Variants in PKHD1L1 observed in about 807,000 individuals in gnomAD.
PKHD1L1 encodes the protein PKHD1 like 1.
Under a neutral mutation model 462.9 loss-of-function variants are expected in PKHD1L1, and 434 were observed. The ratio of observed to expected loss-of-function variants is 0.94; its 90% confidence interval spans 0.87 to 1.02. PKHD1L1 has a LOEUF of 1.02. Ranked by LOEUF, PKHD1L1 falls within the 50% of genes least tolerant of loss-of-function variation. The pLI is 0.00. For missense variants in PKHD1L1, 5,202 were observed against 5,096.1 expected (o/e 1.02, Z -0.63); for synonymous variants, 1,781 against 1,750.0 (o/e 1.02, Z -0.44).
chr8:109,535,280 TTTC>T lies in PKHD1L1; in HGVS notation c.*5191_*5193del, dbSNP rs1821122708. Among the ~76,000 whole-genome samples the T allele has an allele frequency of 6.6e-6, 1 of 152,188 alleles. No individual in the cohort carries two copies. The highest frequency in any genetic ancestry group is 2.4e-5 in the African/African-American group (1 of 41,454). On this transcript the variant is annotated 3_prime_UTR_variant, in exon 78 of 78. Coordinates refer to ENST00000378402, the MANE Select transcript of PKHD1L1 (RefSeq NM_177531.6). ...ATGGCAATAGTATTTTCCTTTGGTT[TTTC>T]ATTACAGTAACTTATGCATTTAGGC...
intron 76 of PKHD1L1, among the ~76,000 whole-genome samples, chr8:109,526,458 C>T (rs1012085337): frequency 1.3e-5 from 2 of 152,184 alleles, no homozygotes; most frequent in Non-Finnish European, 2.9e-5. Flanking sequence ...GCACCCTCAC[C>T]TCTCTTCCCT....
chr8:109,387,341 G>A (rs774543628), intron 6 of PKHD1L1, among the ~76,000 whole-genome samples: 14 of 152,080 alleles, frequency 9.2e-5, no homozygotes, highest in Non-Finnish European at 1.8e-4. Context: ...GACCAAATAG[G>A]GTGGTTTTAC....
At chr8:109,492,544 T>G (rs1818886241) in intron 62 of PKHD1L1, among the ~76,000 whole-genome samples, 1 of 151,880 alleles carries the variant, frequency 6.6e-6, no homozygotes, top group Non-Finnish European at 1.5e-5. Flanking sequence ...TAGTTATCTT[T>G]GAAAGATGGG....
chr8:109,420,508 T>C lies in PKHD1L1; in HGVS notation c.2525-10T>C. ...TACACCAACCTAATATTTTTATTTA[T>C]ATTCTTTAGAAATGCCCAAGAGAAG... is the stretch of plus-strand genomic sequence containing the variant. On this transcript the variant is annotated splice_polypyrimidine_tract_variant and intron_variant, in intron 22 of 77. Transcript: ENST00000378402. 1 of 1,515,138 alleles carries C rather than the reference T, an allele frequency of 6.6e-7. No homozygotes were observed. 93.9% of individuals were successfully genotyped at this position (1,515,138 alleles called of 1,614,324 possible).
In PKHD1L1 at chr8:109,429,331, T is replaced by C. The variant is rs1165327537; in HGVS notation, c.3001-9T>C. 3 of 1,490,962 alleles carry C rather than the reference T, an allele frequency of 2.0e-6. No individual in the cohort carries two copies. Among genetic ancestry groups the C allele is most frequent in the Non-Finnish European group, 2.7e-6 (3 of 1,092,228 alleles). The allele number at this position is 1,490,962 out of a possible 1,614,324, so 92.4% of individuals were successfully genotyped here. On this transcript the variant is annotated splice_polypyrimidine_tract_variant and intron_variant, in intron 25 of 77. Coordinates refer to ENST00000378402, the MANE Select transcript of PKHD1L1 (RefSeq NM_177531.6). ...ACCTTTCTAGTAAAATAATTGTGTG[T>C]AAAAATAGATTAATGATTCCAACAT...
chr8:109,481,622 A>G (rs1818281492), intron 56 of PKHD1L1, 60 bp downstream of exon 56: 1 of 1,419,882 alleles, frequency 7.0e-7, no homozygotes. Context: ...TTTAAAATAT[A>G]TGGCACTAAA....
At chr8:109,372,939 T>A (rs910808071) in intron 2 of PKHD1L1, among the ~76,000 whole-genome samples, 2 of 152,242 alleles carry the variant, frequency 1.3e-5, no homozygotes, top group Admixed American at 6.5e-5. Context: ...GCATCAATGT[T>A]CATCAAGGAT....
rs74826033 is a variant in PKHD1L1, at chr8:109,529,247, T to C, written c.12722-833T>C. On this transcript the variant is annotated intron_variant, in intron 77 of 77. Transcript: ENST00000378402. ...CTTCTCTCCTAATGGAAGAAATTAA[T>C]TGGAGTCCAGCGGTCAAGGGAGAAG... 1.4e-3 allele frequency among the ~76,000 whole-genome samples: 209 copies of C among 152,258 alleles called. No individual in the cohort carries two copies. The East Asian group carries it at 0.023, about 17-fold the overall frequency.
chr8:109,454,746 C>T lies in PKHD1L1; in HGVS notation c.6768C>T (p.Phe2256=), dbSNP rs757030342. Residue 2256 remains phenylalanine (F), a synonymous_variant, in exon 45 of 78, where the codon TTC becomes TTT. Coordinates refer to ENST00000378402, the MANE Select transcript of PKHD1L1 (RefSeq NM_177531.6). ...VLQIGTETSP[F]QHKAVITLHG... ...AGATTGGAACAGAGACATCCCCATT[C>T]CAACACAAGGCTGTCATTACCTTGC... The T allele has an allele frequency of 3.5e-5, 56 of 1,613,608 alleles. No homozygotes were observed. In the South Asian group the frequency reaches 6.0e-4, roughly 17 times the overall value.
intron 76 of PKHD1L1, among the ~76,000 whole-genome samples, chr8:109,524,879 T>G (rs1820738667): frequency 6.9e-6 from 1 of 144,794 alleles, no homozygotes. Flanking sequence ...CCCTCTGTCC[T>G]CTCTGTTACC....
At chr8:109,448,502 T>A (rs1816291485) in intron 39 of PKHD1L1, 111 bp downstream of exon 39, 10 of 1,252,172 alleles carry the variant, frequency 8.0e-6, no homozygotes, top group Non-Finnish European at 9.4e-6. Flanking sequence ...TTCTAGTGTT[T>A]TTTTTGTTTG....
chr8:109,362,665 G>C lies in PKHD1L1; in HGVS notation c.73+12G>C, dbSNP rs376115673. On this transcript the variant is annotated intron_variant, in intron 1 of 77. Coordinates refer to ENST00000378402, the MANE Select transcript of PKHD1L1 (RefSeq NM_177531.6). ...GGATCCCAGCACAGGTAACCCTTTGGGCACGCTAGGCAGGCAAGCAGGAGA... is the reference window on the plus strand; with the variant it reads ...GGATCCCAGCACAGGTAACCCTTTGCGCACGCTAGGCAGGCAAGCAGGAGA... 32 of 1,587,974 alleles carry C rather than the reference G, an allele frequency of 2.0e-5. No homozygotes were observed. In the African/African-American group the frequency reaches 2.7e-4, roughly 13 times the overall value.
Position 109,444,691 on chromosome 8 carries a change from GAAGA to G in PKHD1L1, c.4826_4829del (p.Glu1609ValfsTer26), listed in dbSNP as rs1176920429. 1.2e-6 allele frequency: 2 copies of G among 1,613,760 alleles called. No individual in the cohort carries two copies. Among genetic ancestry groups the G allele is most frequent in the Non-Finnish European group, 1.7e-6 (2 of 1,179,726 alleles). On this transcript the variant is annotated frameshift_variant, in exon 38 of 78. Transcript: ENST00000378402. LOFTEE classifies it high-confidence loss of function. ...AATTGGTAGCTACCCCTGTGTCGTAGAAGAAAGTAGTGAGGATTCAATTACATGT... is the reference window on the plus strand; with the variant it reads ...AATTGGTAGCTACCCCTGTGTCGTAGAAGTAGTGAGGATTCAATTACATGT...
At chr8:109,370,736 C>T (rs1037242036) in intron 2 of PKHD1L1, among the ~76,000 whole-genome samples, 4 of 152,060 alleles carry the variant, frequency 2.6e-5, no homozygotes, top group African/African-American at 9.7e-5. Context: ...TTAATTCCCA[C>T]CTATGAGTGA....
intron 2 of PKHD1L1, among the ~76,000 whole-genome samples, chr8:109,371,985 A>G (rs1302468548): frequency 5.7e-4 from 87 of 151,968 alleles, no homozygotes; most frequent in African/African-American, 1.9e-3. Context: ...TTGGCGATGC[A>G]GGCTCTTTTT....
intron 7 of PKHD1L1, 147 bp downstream of exon 7, chr8:109,388,697 C>A: frequency 3.2e-6 from 2 of 634,300 alleles, no homozygotes; most frequent in South Asian, 2.3e-5. Flanking sequence ...CATTAGCAAT[C>A]ATTTTTACAG....
rs762605468 is a variant in PKHD1L1, at chr8:109,429,423, A to G, written c.3084A>G (p.Val1028=). ...IKEGGLFRQH[V]LGDLLRTPSQ... ...AAGGTGGCTTATTCAGACAACATGT[A>G]CTTGGAGACCTACTTCGTACACCCA... is the stretch of plus-strand genomic sequence containing the variant. The change falls in exon 26 of 78, where the codon GTA becomes GTG. Residue 1028 remains valine (V), a synonymous_variant. Coordinates refer to ENST00000378402, the MANE Select transcript of PKHD1L1 (RefSeq NM_177531.6). The G allele has an allele frequency of 1.9e-6, 3 of 1,607,378 alleles. No homozygotes were observed. Among genetic ancestry groups the G allele is most frequent in the Admixed American group, 1.7e-5 (1 of 59,324 alleles).
chr8:109,382,429 T>C (rs768753370), intron 3 of PKHD1L1, 34 bp from the exon 4 acceptor site: 19 of 1,523,864 alleles, frequency 1.2e-5, no homozygotes, highest in Non-Finnish European at 1.5e-5. Flanking sequence ...AGAGAGGAAT[T>C]GCATGTCTCA....
intron 28 of PKHD1L1, among the ~76,000 whole-genome samples, chr8:109,434,285 C>A (rs778910978): frequency 8.6e-5 from 13 of 151,606 alleles, no homozygotes; most frequent in Non-Finnish European, 1.9e-4. Flanking sequence ...CTTCCCAACT[C>A]ATGAAATCCT....
Sources: gnomAD v4.1 joint callset for allele counts (sites outside exome capture counted in the v4.1 genomes callset) on GRCh38, gnomAD v4.1.1 for gene constraint, MANE v1.5 for transcripts, NCBI Gene and HGNC (gene_info 2026-07-23, HGNC 2026-07-21) for gene names.